GRM5: variants seen among roughly 807,000 people sequenced by gnomAD.
GRM5 encodes glutamate metabotropic receptor 5.
GRM5 carries 19 observed loss-of-function variants against 83.1 expected under a neutral mutation model. The ratio of observed to expected loss-of-function variants is 0.23; its 90% confidence interval spans 0.16 to 0.34. GRM5 has a LOEUF of 0.34. Ranked by LOEUF, GRM5 falls within the 10% of genes least tolerant of loss-of-function variation. GRM5 has a pLI of 1.00. For missense variants in GRM5, 1,160 were observed against 1,588.3 expected, an observed-to-expected ratio of 0.73 and a Z score of 4.58; for synonymous variants, 675 against 633.6, an observed-to-expected ratio of 1.07 and a Z score of -0.98.
At chr11:89,065,379 TC>T (rs1360444372) in intron 1 of GRM5, among the ~76,000 whole-genome samples, 2 of 149,608 alleles carry the variant, frequency 1.3e-5, no homozygotes, top group Admixed American at 6.6e-5. Context: ...TTGGCTCGGA[TC>T]TTTATCTTTT....
chr11:88,917,959 C>T (rs186074924), intron 2 of GRM5, among the ~76,000 whole-genome samples: 57 of 151,828 alleles, frequency 3.8e-4, no homozygotes, highest in African/African-American at 1.3e-3. Flanking sequence ...AGAAATATAT[C>T]AATATTTAAG....
chr11:88,748,058 A>T (rs1942180548), intron 3 of GRM5, among the ~76,000 whole-genome samples: 1 of 152,146 alleles, frequency 6.6e-6, no homozygotes, highest in Non-Finnish European at 1.5e-5. Flanking sequence ...AGGAACCCCC[A>T]TCCCCAGGCA....
chr11:88,599,938 G>A (rs1187411005), intron 5 of GRM5, among the ~76,000 whole-genome samples: 1 of 152,118 alleles, frequency 6.6e-6, no homozygotes, highest in Non-Finnish European at 1.5e-5. Flanking sequence ...GCGTGAACCC[G>A]GGAGACGGAG....
intron 2 of GRM5, among the ~76,000 whole-genome samples, chr11:88,964,058 G>T (rs1164173709): frequency 6.6e-6 from 1 of 152,152 alleles, no homozygotes; most frequent in Non-Finnish European, 1.5e-5. Context: ...CTCTTTATGT[G>T]CAATTTGTAA....
intron 3 of GRM5, among the ~76,000 whole-genome samples, chr11:88,704,077 G>A (rs886290755): frequency 6.6e-6 from 1 of 152,006 alleles, no homozygotes. Context: ...TGGCCCTTTT[G>A]TGGTGCATGC....
At chr11:88,993,635 T>C (rs1306451651) in intron 2 of GRM5, among the ~76,000 whole-genome samples, 1 of 152,178 alleles carries the variant, frequency 6.6e-6, no homozygotes, top group African/African-American at 2.4e-5. Flanking sequence ...ATATTATATA[T>C]AGAAAACCCT....
intron 3 of GRM5, among the ~76,000 whole-genome samples, chr11:88,676,164 A>T (rs912568993): frequency 2.6e-5 from 4 of 152,002 alleles, no homozygotes; most frequent in African/African-American, 7.2e-5. Flanking sequence ...CTCTCAAACA[A>T]TTCAGTTTAT....
chr11:89,013,344 T>A (rs1173547685), intron 2 of GRM5, among the ~76,000 whole-genome samples: 1 of 152,208 alleles, frequency 6.6e-6, no homozygotes, highest in Non-Finnish European at 1.5e-5. Context: ...ATGAGAATAT[T>A]AGAAAGAAAC....
chr11:89,045,825 T>C (rs1941630094), intron 2 of GRM5, among the ~76,000 whole-genome samples: 1 of 152,178 alleles, frequency 6.6e-6, no homozygotes, highest in Non-Finnish European at 1.5e-5. Context: ...CATTTTTACT[T>C]TCTCACCTAG....
intron 3 of GRM5, among the ~76,000 whole-genome samples, chr11:88,840,470 AC>A (rs1268709792): frequency 1.3e-5 from 2 of 150,898 alleles, no homozygotes; most frequent in African/African-American, 2.4e-5. Flanking sequence ...GAAACCCTTT[AC>A]CCCCACCTTT....
At chr11:88,680,227 C>G (rs574920778) in intron 3 of GRM5, among the ~76,000 whole-genome samples, 7 of 152,046 alleles carry the variant, frequency 4.6e-5, no homozygotes, top group African/African-American at 1.7e-4. Context: ...AATGCTATCC[C>G]TCCCCACTCC....
At chr11:88,566,488 A>G (rs1942877483) in intron 8 of GRM5, among the ~76,000 whole-genome samples, 1 of 152,194 alleles carries the variant, frequency 6.6e-6, no homozygotes, top group Non-Finnish European at 1.5e-5. Context: ...TGCCCTTTTC[A>G]GCTGCTTAGA....
At chr11:88,856,858 A>T (rs1228291347) in intron 2 of GRM5, among the ~76,000 whole-genome samples, 1 of 152,100 alleles carries the variant, frequency 6.6e-6, no homozygotes, top group Non-Finnish European at 1.5e-5. Context: ...TAACTAAAAC[A>T]TCATTATATG....
At chr11:88,616,551 G>A (rs12802054) in intron 4 of GRM5, among the ~76,000 whole-genome samples, 27,500 of 151,900 alleles carry the variant, frequency 0.18, 2,888 homozygotes, top group Middle Eastern at 0.26. Context: ...AGCTTAGTCC[G>A]GGGTAGGATT....
intron 3 of GRM5, among the ~76,000 whole-genome samples, chr11:88,679,305 T>C (rs937159691): frequency 6.6e-6 from 1 of 152,016 alleles, no homozygotes; most frequent in Non-Finnish European, 1.5e-5. Context: ...CTAAATTTCT[T>C]GCTTAAACAA....
chr11:88,877,771 A>C (rs1590932285), intron 2 of GRM5, among the ~76,000 whole-genome samples: 1 of 151,504 alleles, frequency 6.6e-6, no homozygotes, highest in East Asian at 2.0e-4. Context: ...CAGAGATTGC[A>C]ATGAGCCAAT....
At position 88,737,180 on chromosome 11, in the gene GRM5, A is replaced by AAGTT. The variant is rs1179453029; in HGVS notation, c.912-83781_912-83778dup. ...TTCAATGAAGATGATACATTCTCAT[A>AAGTT]AGTTACTGCTTCTTATGCTCAGACA... On this transcript the variant is annotated intron_variant, in intron 3 of 9. Coordinates refer to ENST00000305447, the MANE Select transcript of GRM5 (RefSeq NM_001143831.3). Among the ~76,000 whole-genome samples, 5 of 152,078 alleles carry AAGTT rather than the reference A, an allele frequency of 3.3e-5. No individual in the cohort carries two copies. In the East Asian group the frequency reaches 7.7e-4, roughly 24 times the overall value.
intron 2 of GRM5, among the ~76,000 whole-genome samples, chr11:88,989,926 A>G (rs375483651): frequency 9.9e-5 from 15 of 151,964 alleles, no homozygotes; most frequent in East Asian, 3.9e-4. Flanking sequence ...TCCAAAATTG[A>G]CACCCTAACA....
rs991186840 is a variant in GRM5, at chr11:88,543,965, C to G, written c.2631-18561G>C. Among the ~76,000 whole-genome samples the G allele has an allele frequency of 2.8e-4, 43 of 152,002 alleles. 1 individual carries two copies. Among genetic ancestry groups the G allele is most frequent in the African/African-American group, 1.0e-3 (42 of 41,372 alleles). On this transcript the variant is annotated intron_variant, in intron 8 of 9. Transcript: ENST00000305447. ...GGGGTGATTTTGTGAGGGCTCTGCCCTCACGAATGGATTAATGTTGTTATC... is the reference window on the plus strand; with the variant it reads ...GGGGTGATTTTGTGAGGGCTCTGCCGTCACGAATGGATTAATGTTGTTATC...
Sources: gnomAD v4.1 joint callset for allele counts (sites outside exome capture counted in the v4.1 genomes callset) on GRCh38, gnomAD v4.1.1 for gene constraint, MANE v1.5 for transcripts, NCBI Gene and HGNC (gene_info 2026-07-23, HGNC 2026-07-21) for gene names.